Variants in CPT1C observed in about 807,000 individuals in gnomAD.
The protein encoded by CPT1C is carnitine palmitoyltransferase 1C, also known as palmitoyl thioesterase CPT1C.
Under a neutral mutation model 97.3 loss-of-function variants are expected in CPT1C, and 61 were observed. That is an observed-to-expected ratio of 0.63 (90% CI 0.51 to 0.78). CPT1C has a LOEUF of 0.78. Among genes scored for constraint, CPT1C ranks in the 30% least tolerant of loss-of-function variants. CPT1C has a pLI of 0.00. For missense variants in CPT1C, 975 were observed against 1,065.5 expected (o/e 0.92, Z 1.18); for synonymous variants, 469 against 447.2 (o/e 1.05, Z -0.61).
intron 8 of CPT1C, 87 bp from the exon 9 acceptor site, chr19:49,704,920 G>T: frequency 7.1e-7 from 1 of 1,407,772 alleles, no homozygotes; most frequent in Admixed American, 1.7e-5. Flanking sequence ...ACCCTCTTTT[G>T]GGGTCAGGAC....
At chr19:49,701,973 T>C (rs1390282527) in intron 7 of CPT1C, among the ~76,000 whole-genome samples, 1 of 88,684 alleles carries the variant, frequency 1.1e-5, no homozygotes, top group African/African-American at 4.9e-5. Flanking sequence ...TATATAAATT[T>C]ATAAATAAAT....
At chr19:49,708,002 C>CAAAAAAAAAAAAAAAAAAA (rs60276067) in intron 13 of CPT1C, among the ~76,000 whole-genome samples, 1 of 56,786 alleles carries the variant, frequency 1.8e-5, no homozygotes, top group Non-Finnish European at 3.5e-5. Flanking sequence ...GAATACATCT[C>CAAAAAAAAAAAAAAAAAAA]AAAAAAAAAA....
intron 16 of CPT1C, 142 bp downstream of exon 16, chr19:49,710,999 A>G: frequency 3.7e-6 from 3 of 811,662 alleles, no homozygotes; most frequent in Non-Finnish European, 5.7e-6. Context: ...CTCTGACTTC[A>G]AAGAGCTCAC....
chr19:49,700,944 G>T, intron 5 of CPT1C, 89 bp downstream of exon 5: 1 of 1,412,718 alleles, frequency 7.1e-7, no homozygotes, highest in South Asian at 1.2e-5. Flanking sequence ...CTCTCTCTGG[G>T]TCTCTGTCCC....
intron 14 of CPT1C, among the ~76,000 whole-genome samples, chr19:49,709,974 G>A (rs1247250595): frequency 1.3e-5 from 2 of 152,020 alleles, no homozygotes; most frequent in Admixed American, 6.6e-5. Flanking sequence ...AGCCTCCCAA[G>A]TAGCTGGGAC....
At chr19:49,699,371 T>C (rs982030891) in intron 4 of CPT1C, among the ~76,000 whole-genome samples, 36 of 141,560 alleles carry the variant, frequency 2.5e-4, no homozygotes, top group African/African-American at 7.3e-4. Flanking sequence ...CTCACACTTG[T>C]AATCCCAGCA....
At chr19:49,705,859 T>G (rs1346654765) in intron 10 of CPT1C, 50 bp from the exon 11 acceptor site, 1 of 1,519,988 alleles carries the variant, frequency 6.6e-7, no homozygotes, top group African/African-American at 1.4e-5. Flanking sequence ...GTCACTATTT[T>G]TATGTGTCTG....
intron 14 of CPT1C, 69 bp downstream of exon 14, chr19:49,708,908 C>T (rs1205400160): frequency 1.0e-6 from 1 of 958,018 alleles, no homozygotes; most frequent in South Asian, 1.3e-5. Flanking sequence ...AACTCATCCC[C>T]ACCCCTAATC....
chr19:49,710,170 T>G, intron 14 of CPT1C, 150 bp from the exon 15 acceptor site: 1 of 767,536 alleles, frequency 1.3e-6, no homozygotes. Context: ...TTTAGTCTCA[T>G]CCTTCAATTC....
chr19:49,701,181 T>A, intron 5 of CPT1C, 136 bp from the exon 6 acceptor site: 1 of 633,620 alleles, frequency 1.6e-6, no homozygotes, highest in Non-Finnish European at 2.5e-6. Flanking sequence ...TCTCTGTTCC[T>A]TTCTCTCTTG....
rs397788420 is a variant in CPT1C, at chr19:49,712,864, G to GA, written c.2133+15_2133+16insA. The GA allele has an allele frequency of 6.2e-7, 1 of 1,603,990 alleles. No homozygotes were observed. The highest frequency in any genetic ancestry group is 8.5e-7 in the Non-Finnish European group (1 of 1,174,502). On this transcript the variant is annotated intron_variant, in intron 18 of 19. Transcript: ENST00000598293. ...GATTCGGGCCTGTGAGTGGAGCTGG[G>GA]CGCGCTGGCCCCCAGAGGAAAGAGG... is the stretch of plus-strand genomic sequence containing the variant.
intron 13 of CPT1C, 88 bp from the exon 14 acceptor site, chr19:49,708,634 GA>G: frequency 3.2e-6 from 3 of 932,966 alleles, no homozygotes; most frequent in African/African-American, 1.6e-5. Context: ...CCCCCTACCC[GA>G]AAAAGGGCTG....
chr19:49,713,203 C>T (rs1486190585), intron 19 of CPT1C, 139 bp downstream of exon 19: 2 of 803,308 alleles, frequency 2.5e-6, no homozygotes, highest in East Asian at 2.6e-5. Flanking sequence ...AGGCCCCCAG[C>T]CCCTCCTCCC....
At position 49,701,318 on chromosome 19, in the gene CPT1C, C is replaced by T. The variant is rs2083037700; in HGVS notation, c.455C>T (p.Ala152Val). 3 of 1,611,706 alleles carry T rather than the reference C, an allele frequency of 1.9e-6. No individual in the cohort carries two copies. The highest frequency in any genetic ancestry group is 1.7e-5 in the Admixed American group (1 of 59,806). Residue 152 changes from alanine to valine, a missense_variant and splice_region_variant, in exon 6 of 20, where the codon GCC becomes GTC. By Grantham distance (64) the Ala-to-Val change is moderately conservative. Around this residue, in one of 3 missense-constraint regions of CPT1C, gnomAD observed 596 missense variants for 603.1 expected, o/e 0.99. Coordinates refer to ENST00000598293, the MANE Select transcript of CPT1C (RefSeq NM_001199753.2). ...AMSSPTKTWL[A>V]LVRIFSGRHP... Reference sequence around the variant, plus strand: ...GACCCGGTAACTCCTCCTCCCCAGGCCCTGGTCCGCATCTTCTCTGGCCGC... The same window carrying T: ...GACCCGGTAACTCCTCCTCCCCAGGTCCTGGTCCGCATCTTCTCTGGCCGC...
intron 3 of CPT1C, among the ~76,000 whole-genome samples, chr19:49,694,760 C>T (rs1442767227): frequency 1.3e-5 from 2 of 152,048 alleles, no homozygotes; most frequent in East Asian, 3.9e-4. Flanking sequence ...GGCAAACAGC[C>T]ACTGCCTTGA....
chr19:49,700,954 C>T (rs1241191845), intron 5 of CPT1C, 99 bp downstream of exon 5: 1 of 1,311,654 alleles, frequency 7.6e-7, no homozygotes, highest in Non-Finnish European at 1.1e-6. Flanking sequence ...GTCTCTGTCC[C>T]TCTCTCTCTG....
At chr19:49,711,735 C>A (rs888396869) in intron 16 of CPT1C, 74 bp from the exon 17 acceptor site, 8 of 1,482,980 alleles carry the variant, frequency 5.4e-6, no homozygotes, top group Non-Finnish European at 7.3e-6. Context: ...CAGTTGAGGC[C>A]AGATGTGCCG....
chr19:49,712,490 G>A, intron 17 of CPT1C: 1 of 538,002 alleles, frequency 1.9e-6, no homozygotes, highest in South Asian at 2.1e-5. Context: ...GTGGGGATAA[G>A]AGGAAAGGGC....
At chr19:49,701,936 T>TTATA (rs57693875) in intron 7 of CPT1C, among the ~76,000 whole-genome samples, 3,060 of 74,044 alleles carry the variant, frequency 0.041, 133 homozygotes, top group African/African-American at 0.12. Flanking sequence ...ATATTAATAT[T>TTATA]TATAAATTTA....
Sources: gnomAD v4.1 joint callset for allele counts (sites outside exome capture counted in the v4.1 genomes callset) on GRCh38, gnomAD v4.1.1 for gene constraint, gnomAD v4.1.1 regional missense constraint, MANE v1.5 for transcripts, NCBI Gene and HGNC (gene_info 2026-07-23, HGNC 2026-07-21) for gene names.